Variants in IL1RAPL1 observed in about 807,000 individuals in gnomAD.
IL1RAPL1 encodes interleukin-1 receptor accessory protein-like 1.
IL1RAPL1 carries 3 observed loss-of-function variants against 48.4 expected under a neutral mutation model. That is an observed-to-expected ratio of 0.06 (90% CI 0.03 to 0.16). The LOEUF (loss-of-function observed/expected upper bound fraction) is 0.16, where lower values mean the gene tolerates loss of function less well. Ranked by LOEUF, IL1RAPL1 falls within the 10% of genes least tolerant of loss-of-function variation. IL1RAPL1 has a pLI of 1.00. For synonymous variants in IL1RAPL1, 185 were observed against 187.7 expected (o/e 0.99, Z 0.12); for missense variants, 349 against 530.6 (o/e 0.66, Z 3.36).
intron 2 of IL1RAPL1, among the ~76,000 whole-genome samples, chrX:28,798,201 A>G (rs1314032080): frequency 9.0e-6 from 1 of 111,356 alleles, no homozygotes; most frequent in African/African-American, 3.3e-5. Context: ...TATTGTAGAG[A>G]TAGCATACAG....
At chrX:29,812,768 A>G (rs764411391) in intron 6 of IL1RAPL1, among the ~76,000 whole-genome samples, 2 of 111,792 alleles carry the variant, frequency 1.8e-5, no homozygotes, top group South Asian at 3.8e-4. Flanking sequence ...CCCATTTTTC[A>G]TAGCCTAATT....
chrX:29,372,337 A>G (rs1933557153), intron 3 of IL1RAPL1, among the ~76,000 whole-genome samples: 1 of 111,892 alleles, frequency 8.9e-6, no homozygotes, highest in Non-Finnish European at 1.9e-5. Context: ...CGCCAAATGC[A>G]TAGTTGTGAA....
intron 2 of IL1RAPL1, among the ~76,000 whole-genome samples, chrX:29,223,608 G>A (rs1328178263): frequency 9.4e-6 from 1 of 106,739 alleles, no homozygotes; most frequent in Non-Finnish European, 1.9e-5. Flanking sequence ...GCAATGGTGC[G>A]ATCTCGGCTC....
At chrX:29,503,635 ATTATTT>A (rs952725823) in intron 5 of IL1RAPL1, among the ~76,000 whole-genome samples, 3 of 110,562 alleles carry the variant, frequency 2.7e-5, no homozygotes, top group African/African-American at 9.9e-5. Context: ...ATGTTGCTAA[ATTATTT>A]TTATTTTTAT....
chrX:28,818,431 T>C (rs199871434), intron 2 of IL1RAPL1, among the ~76,000 whole-genome samples: 1 of 111,063 alleles, frequency 9.0e-6, no homozygotes, highest in East Asian at 2.8e-4. Context: ...CTCTACATTG[T>C]AAAACTGGCA....
At chrX:28,657,026 CAAA>C (rs766745553) in intron 1 of IL1RAPL1, among the ~76,000 whole-genome samples, 16 of 38,436 alleles carry the variant, frequency 4.2e-4, no homozygotes, top group Admixed American at 6.9e-4. Flanking sequence ...GACTCTACCT[CAAA>C]AAAAAAAAAA....
chrX:29,675,355 G>T (rs1421322062), intron 6 of IL1RAPL1, among the ~76,000 whole-genome samples: 1 of 111,971 alleles, frequency 8.9e-6, no homozygotes, highest in Non-Finnish European at 1.9e-5. Context: ...AAGAAAGAGT[G>T]CTGTCACAGA....
chrX:28,705,539 A>G (rs1400675764), intron 1 of IL1RAPL1, among the ~76,000 whole-genome samples: 1 of 112,133 alleles, frequency 8.9e-6, no homozygotes, highest in Non-Finnish European at 1.9e-5. Context: ...AGGTAAAGAA[A>G]CTAGCAACGT....
chrX:28,956,751 T>C (rs756447565), intron 2 of IL1RAPL1, among the ~76,000 whole-genome samples: 2,203 of 108,446 alleles, frequency 0.02, 55 homozygotes, highest in African/African-American at 0.07. Flanking sequence ...TGCCTGGCTT[T>C]GGTATCAGAA....
intron 2 of IL1RAPL1, among the ~76,000 whole-genome samples, chrX:29,085,720 G>C (rs978306532): frequency 1.8e-5 from 2 of 111,524 alleles, no homozygotes; most frequent in Non-Finnish European, 3.8e-5. Context: ...TGGTGGGCAC[G>C]ATAGCAAATT....
chrX:29,657,451 C>T (rs1335479855), intron 5 of IL1RAPL1, among the ~76,000 whole-genome samples: 3 of 111,838 alleles, frequency 2.7e-5, no homozygotes, highest in African/African-American at 9.8e-5. Flanking sequence ...ATGTAAATAC[C>T]TTCTGCAGAA....
At position 29,816,918 on chromosome X, in the gene IL1RAPL1, A is replaced by T. The variant is rs757390539; in HGVS notation, c.779-100546A>T. Among the ~76,000 whole-genome samples the T allele has an allele frequency of 3.8e-3, 413 of 109,982 alleles. 3 individuals are homozygous for T. The highest frequency in any genetic ancestry group is 0.013 in the African/African-American group (399 of 30,269). On this transcript the variant is annotated intron_variant, in intron 6 of 10. Transcript: ENST00000378993. ...TCGTTTATCCCTCTGTCTTATTACC[A>T]AGATAATGGATGTGCTTTTTAGCTC...
At chrX:29,343,941 C>T (rs375286210) in intron 3 of IL1RAPL1, among the ~76,000 whole-genome samples, 5 of 111,658 alleles carry the variant, frequency 4.5e-5, no homozygotes, top group African/African-American at 1.3e-4. Context: ...GGAGGAATTC[C>T]GCATTAGGAC....
intron 1 of IL1RAPL1, among the ~76,000 whole-genome samples, chrX:28,776,809 A>T (rs1281039769): frequency 1.8e-5 from 2 of 111,913 alleles, no homozygotes; most frequent in Non-Finnish European, 1.9e-5. Flanking sequence ...TGCCTGGCAC[A>T]TAGAAAGTGC....
At position 29,283,194 on chromosome X, in the gene IL1RAPL1, T is replaced by C. The variant is rs753240400; in HGVS notation, c.339T>C (p.Ser113=). The change falls in exon 3 of 11, where the codon AGT becomes AGC. Residue 113 remains serine, a synonymous_variant. Coordinates refer to ENST00000378993, the MANE Select transcript of IL1RAPL1 (RefSeq NM_014271.4). ...IWFRPTLLQD[S]GLYACVIRNS... The stretch of plus-strand genomic sequence containing the variant: ...TCCGGCCAACATTGCTACAGGACAG[T>C]GGTCTCTACGCCTGTGTCATCAGGT... 26 of 1,209,592 alleles carry C rather than the reference T, an allele frequency of 2.1e-5. No individual in the cohort carries two copies. The highest frequency in any genetic ancestry group is 2.3e-5 in the Non-Finnish European group (21 of 894,851).
intron 6 of IL1RAPL1, among the ~76,000 whole-genome samples, chrX:29,899,273 A>G (rs1932451299): frequency 9.0e-6 from 1 of 111,354 alleles, no homozygotes. Flanking sequence ...GAGCTTCTCA[A>G]GAGATCACAC....
At chrX:29,530,655 A>G (rs1236144547) in intron 5 of IL1RAPL1, among the ~76,000 whole-genome samples, 1 of 111,892 alleles carries the variant, frequency 8.9e-6, no homozygotes, top group Non-Finnish European at 1.9e-5. Context: ...TGTGGGAGAC[A>G]GGGCTGGATG....
At chrX:28,852,327 C>T (rs1016393023) in intron 2 of IL1RAPL1, among the ~76,000 whole-genome samples, 1 of 91,348 alleles carries the variant, frequency 1.1e-5, no homozygotes, top group African/African-American at 4.6e-5. Flanking sequence ...CAGGAGCAAC[C>T]TAATCCATAA....
At chrX:29,847,608 A>G (rs1259285850) in intron 6 of IL1RAPL1, among the ~76,000 whole-genome samples, 3 of 112,298 alleles carry the variant, frequency 2.7e-5, no homozygotes, top group African/African-American at 9.7e-5. Context: ...TGGCATAGAT[A>G]GACTACATAC....
Sources: gnomAD v4.1 joint callset for allele counts (sites outside exome capture counted in the v4.1 genomes callset) on GRCh38, gnomAD v4.1.1 for gene constraint, MANE v1.5 for transcripts, NCBI Gene and HGNC (gene_info 2026-07-23, HGNC 2026-07-21) for gene names.